RBBP4: variants seen among roughly 807,000 people sequenced by gnomAD.
RBBP4 encodes RB binding protein 4, chromatin remodeling factor, also known as histone-binding protein RBBP4.
RBBP4 carries 3 observed loss-of-function variants against 57.2 expected under a neutral mutation model. That is an observed-to-expected ratio of 0.05 (90% CI 0.02 to 0.14). The LOEUF (loss-of-function observed/expected upper bound fraction) is 0.14, where lower values mean the gene tolerates loss of function less well. Among genes scored for constraint, RBBP4 ranks in the 10% least tolerant of loss-of-function variants. The pLI is 1.00. For missense variants in RBBP4, 107 were observed against 520.6 expected, an observed-to-expected ratio of 0.21 and a Z score of 7.73; for synonymous variants, 151 against 171.5, an observed-to-expected ratio of 0.88 and a Z score of 0.93.
chr1:32,656,216 AAGTAGTCTTTCTCTGTCACCC>A (rs894922584), intron 2 of RBBP4, among the ~76,000 whole-genome samples: 3 of 151,980 alleles, frequency 2.0e-5, no homozygotes, highest in African/African-American at 7.2e-5. Flanking sequence ...TTGAGACAGG[AAGTAGTCTTTCTCTGTCACCC>A]AGGCTGGAGT....
intron 11 of RBBP4, among the ~76,000 whole-genome samples, chr1:32,677,485 AACAAAAAAC>A (rs1649154821): frequency 1.3e-5 from 2 of 148,468 alleles, no homozygotes; most frequent in Admixed American, 6.7e-5. Flanking sequence ...AAAAAAACAA[AACAAAAAAC>A]AAACAAAAAA....
Position 32,669,362 on chromosome 1 carries a change from G to T in RBBP4, c.888+5G>T. The T allele has an allele frequency of 6.3e-7, 1 of 1,592,606 alleles. No homozygotes were observed. Among genetic ancestry groups the T allele is most frequent in the Non-Finnish European group, 8.5e-7 (1 of 1,174,998 alleles). ...GCCACAGGATCAGCTGACAAGGTCA[G>T]TTTCGTTTATTTTAATAGAAAACAT... On this transcript the variant is annotated splice_donor_5th_base_variant and intron_variant, in intron 7 of 11. Coordinates refer to ENST00000373493, the MANE Select transcript of RBBP4 (RefSeq NM_005610.3). The surrounding 1 kb of genome is among the most constrained non-coding windows in gnomAD (Gnocchi z 4.9).
In RBBP4 at chr1:32,675,642, G is replaced by A. The variant is rs1344714304; in HGVS notation, c.1212+2741G>A. On this transcript the variant is annotated intron_variant, in intron 11 of 11. Transcript: ENST00000373493. ...AAATTAGCCGGGCGTGGTGGCGGGC[G>A]CCTGTAGTCCCAGCTACTCGGGAGG... 1.3e-4 allele frequency among the ~76,000 whole-genome samples: 19 copies of A among 151,982 alleles called. 1 individual carries two copies. The South Asian group carries it at 3.1e-3, about 25-fold the overall frequency.
chr1:32,661,957 C>T lies in RBBP4; in HGVS notation c.310+4385C>T, dbSNP rs549750432. Among the ~76,000 whole-genome samples the T allele has an allele frequency of 6.1e-5, 8 of 131,594 alleles. No individual in the cohort carries two copies. The South Asian group carries it at 2.1e-3, about 35-fold the overall frequency. The allele number at this position is 131,594 out of a possible 152,430, so 86.3% of individuals were successfully genotyped here. ...CTGGAGTGCAGTGTGGCAATCTCGG[C>T]TCACTGCAACTTCCGCCTCTTGGGT... On this transcript the variant is annotated intron_variant, in intron 3 of 11. Transcript: ENST00000373493.
rs114857693 is a variant in RBBP4, at chr1:32,658,220, T to C, written c.310+648T>C. The stretch of plus-strand genomic sequence containing the variant: ...GGAGGTGAAAATTGGTTTGTGTATG[T>C]GAGTAGGTGTAAATAATCTTACTGG... On this transcript the variant is annotated intron_variant, in intron 3 of 11. Coordinates refer to ENST00000373493, the MANE Select transcript of RBBP4 (RefSeq NM_005610.3). Among the ~76,000 whole-genome samples, 115 of 152,252 alleles carry C rather than the reference T, an allele frequency of 7.6e-4. 1 individual carries two copies. Among genetic ancestry groups the C allele is most frequent in the African/African-American group, 2.6e-3 (108 of 41,524 alleles).
intron 3 of RBBP4, among the ~76,000 whole-genome samples, chr1:32,667,758 TCA>T (rs1476538094): frequency 6.6e-6 from 1 of 152,184 alleles, no homozygotes; most frequent in Admixed American, 6.5e-5. Context: ...ATACCAAAAT[TCA>T]CAGATGCTGA....
At chr1:32,668,475 C>T (rs987021321) in intron 4 of RBBP4, 77 bp downstream of exon 4, 1 of 1,353,558 alleles carries the variant, frequency 7.4e-7, no homozygotes, top group Admixed American at 2.1e-5. Flanking sequence ...AGTTTAATTG[C>T]ATGTTACTCT....
chr1:32,661,714 C>G (rs1437499103), intron 3 of RBBP4, among the ~76,000 whole-genome samples: 1 of 151,672 alleles, frequency 6.6e-6, no homozygotes, highest in African/African-American at 2.4e-5. Context: ...TGTTATTTTT[C>G]AACTTTTTAA....
At chr1:32,657,670 G>A (rs1298298504) in intron 3 of RBBP4, 98 bp downstream of exon 3, 1 of 1,385,244 alleles carries the variant, frequency 7.2e-7, no homozygotes, top group South Asian at 1.5e-5. Flanking sequence ...CAATATTTAA[G>A]GTTGAGGGAA....
Position 32,674,014 on chromosome 1 carries a change from T to C in RBBP4, c.1212+1113T>C, listed in dbSNP as rs1189410627. ...TCCTCAGGAGGCTGAGGCAGGAAAA[T>C]GGCGTGAACACGGGAGGCGGAGCTT... On this transcript the variant is annotated intron_variant, in intron 11 of 11. Coordinates refer to ENST00000373493, the MANE Select transcript of RBBP4 (RefSeq NM_005610.3). Among the ~76,000 whole-genome samples, 7 of 151,974 alleles carry C rather than the reference T, an allele frequency of 4.6e-5. No individual in the cohort carries two copies. In the East Asian group the frequency reaches 1.4e-3, roughly 30 times the overall value.
At chr1:32,660,393 A>ACC in intron 3 of RBBP4, among the ~76,000 whole-genome samples, 1 of 151,912 alleles carries the variant, frequency 6.6e-6, no homozygotes, top group Non-Finnish European at 1.5e-5. Context: ...ACAGACATAC[A>ACC]CCACCATACC....
chr1:32,674,504 A>G (rs879664442), intron 11 of RBBP4, among the ~76,000 whole-genome samples: 2 of 151,876 alleles, frequency 1.3e-5, no homozygotes, highest in African/African-American at 2.4e-5. Flanking sequence ...CTGGGAGTAC[A>G]TGTGTGAGGC....
Position 32,684,442 on chromosome 1 carries a change from A to G in RBBP4, c.*4737A>G. 9 of 1,607,284 alleles carry G rather than the reference A, an allele frequency of 5.6e-6. No individual in the cohort carries two copies. Among genetic ancestry groups the G allele is most frequent in the Non-Finnish European group, 7.6e-6 (9 of 1,176,532 alleles). Reference sequence around the variant, plus strand: ...CAAACAATAAAAACTCACATTGTCCACTCTTACTTATAAAACACTTTTTTG... The same window carrying G: ...CAAACAATAAAAACTCACATTGTCCGCTCTTACTTATAAAACACTTTTTTG... On this transcript the variant is annotated 3_prime_UTR_variant, in exon 12 of 12. Coordinates refer to ENST00000373493, the MANE Select transcript of RBBP4 (RefSeq NM_005610.3).
intron 3 of RBBP4, among the ~76,000 whole-genome samples, chr1:32,657,885 C>T (rs552811940): frequency 3.9e-4 from 59 of 152,236 alleles, no homozygotes; most frequent in African/African-American, 1.3e-3. Context: ...CTCAGTCTCG[C>T]TCTATTGCCT....
intron 3 of RBBP4, among the ~76,000 whole-genome samples, chr1:32,659,039 TTA>T (rs1648279854): frequency 1.4e-5 from 2 of 147,254 alleles, no homozygotes; most frequent in Admixed American, 1.4e-4. Flanking sequence ...TATAAATGTA[TTA>T]TATTTATATA....
chr1:32,651,350 G>C (rs1019943003), intron 1 of RBBP4, 28 bp downstream of exon 1: 2 of 1,440,312 alleles, frequency 1.4e-6, no homozygotes, highest in African/African-American at 3.0e-5. Flanking sequence ...GACCCAGGAG[G>C]GCAGTGGGTG....
chr1:32,677,770 G>A (rs533843149), intron 11 of RBBP4, among the ~76,000 whole-genome samples: 26 of 152,280 alleles, frequency 1.7e-4, no homozygotes, highest in African/African-American at 5.1e-4. Context: ...TAGAAGTAAC[G>A]TCAGAAAGCA....
intron 3 of RBBP4, among the ~76,000 whole-genome samples, chr1:32,664,141 C>T (rs1037028241): frequency 3.3e-5 from 5 of 151,976 alleles, no homozygotes; most frequent in African/African-American, 9.7e-5. Flanking sequence ...TGTTAGCCAG[C>T]ATAGTCTTGA....
chr1:32,652,913 G>C (rs901528021), intron 2 of RBBP4, among the ~76,000 whole-genome samples: 1 of 152,194 alleles, frequency 6.6e-6, no homozygotes, highest in African/African-American at 2.4e-5. Flanking sequence ...ACATTGTCTA[G>C]TTGAAGTGGC....
Sources: allele counts gnomAD v4.1 joint callset (sites outside exome capture counted in the v4.1 genomes callset), GRCh38; gene constraint gnomAD v4.1.1; non-coding constraint Gnocchi (gnomAD v3.1); transcripts MANE v1.5; gene names NCBI Gene and HGNC (gene_info 2026-07-23, HGNC 2026-07-21).